Variants in ZNF574 observed in about 807,000 individuals in gnomAD.
ZNF574 encodes the protein zinc finger protein 574.
A neutral mutation model predicts 56.6 loss-of-function variants in ZNF574; 25 were observed. That is an observed-to-expected ratio of 0.44 (90% CI 0.32 to 0.62). The LOEUF is 0.62. Among genes scored for constraint, ZNF574 ranks in the 20% least tolerant of loss-of-function variants. The pLI, the probability that ZNF574 is intolerant of heterozygous loss-of-function variation, is 0.04. For missense variants in ZNF574, 1,065 were observed against 1,218.9 expected (o/e 0.87, Z 1.88); for synonymous variants, 543 against 492.1 (o/e 1.10, Z -1.37).
At chr19:42,074,506 T>TA (rs1328767133), upstream of ZNF574, among the ~76,000 whole-genome samples, 6 of 148,750 alleles carry the variant, frequency 4.0e-5, no homozygotes, top group Non-Finnish European at 6.0e-5. Flanking sequence ...AAAATAAAAA[T>TA]AAAATGAGTA....
At chr19:42,070,810 G>A (rs1179530128) in intron 1 of ZNF574, 1 of 152,642 alleles carries the variant, frequency 6.6e-6, no homozygotes, top group Non-Finnish European at 1.5e-5. Context: ...CAGATATGGG[G>A]AGCGGTCCAC....
At chr19:42,070,359 G>C (rs1055976853) in intron 1 of ZNF574, 1 of 153,104 alleles carries the variant, frequency 6.5e-6, no homozygotes, top group Admixed American at 6.5e-5. Context: ...CCCGCGAGGA[G>C]AATGCTGATG....
chr19:42,071,587 T>G (rs1315220357), upstream of ZNF574, among the ~76,000 whole-genome samples: 1 of 151,760 alleles, frequency 6.6e-6, no homozygotes, highest in East Asian at 1.9e-4. Context: ...ACACACCTCC[T>G]TACCCCACTT....
At chr19:42,072,623 A>G (rs1475479851), upstream of ZNF574, among the ~76,000 whole-genome samples, 1 of 147,152 alleles carries the variant, frequency 6.8e-6, no homozygotes, top group Non-Finnish European at 1.5e-5. Context: ...TTGGAGTGCA[A>G]TGGCGCCATC....
chr19:42,074,841 G>A (rs529619933), upstream of ZNF574: 23 of 152,356 alleles, frequency 1.5e-4, no homozygotes, highest in African/African-American at 5.5e-4. Context: ...CATCCGATAA[G>A]TTGAAATTCC....
intron 1 of ZNF574, chr19:42,070,417 CT>C (rs2076408248): frequency 6.5e-6 from 1 of 152,824 alleles, no homozygotes; most frequent in Non-Finnish European, 1.5e-5. Flanking sequence ...GAGCCACCCC[CT>C]CTACCACACC....
rs770101319 is a variant in ZNF574, at chr19:42,078,788, C to T, written c.182C>T (p.Ala61Val). The change falls in exon 2 of 2, where the codon GCT becomes GTT. Residue 61 changes from alanine (A) to valine (V), a missense_variant. Physicochemically the swap from Ala to Val is moderately conservative, Grantham distance 64. Transcript: ENST00000359044. ...GGAGTCACTGTGGCCACAGACACAGCTTCAGGCACGGGCCTCTATCAGACC... is the reference window on the plus strand; with the variant it reads ...GGAGTCACTGTGGCCACAGACACAGTTTCAGGCACGGGCCTCTATCAGACC... ...DPGVTVATDT[A>V]SGTGLYQTLV... The T allele has an allele frequency of 3.7e-5, 59 of 1,613,964 alleles. No individual in the cohort carries two copies. Among genetic ancestry groups the T allele is most frequent in the Non-Finnish European group, 4.5e-5 (53 of 1,179,976 alleles).
Position 42,079,168 on chromosome 19 carries a change from G to A in ZNF574, c.562G>A (p.Glu188Lys), listed in dbSNP as rs1413049942. ...GGAGCACTCATACCGAAAGGCAGAA[G>A]AGGGTGGGGAAGGGGCGACTGTCCC... The part of the protein sequence containing the change: ...AVEHSYRKAE[E>K]GGEGATVPSA... The change falls in exon 2 of 2, where the codon GAG becomes AAG. Residue 188 changes from glutamate (E) to lysine (K), a missense_variant. Transcript: ENST00000359044. This position sits in a 1 kb window ranked among gnomAD's most constrained non-coding sequence, Gnocchi z 4.3. The A allele has an allele frequency of 6.2e-7, 1 of 1,613,846 alleles. No homozygotes were observed. Among genetic ancestry groups the A allele is most frequent in the African/African-American group, 1.3e-5 (1 of 74,898 alleles).
rs138408881 is a variant in ZNF574 at position 42,079,332 on chromosome 19, C to G, written c.726C>G (p.Pro242=). 6.8e-6 allele frequency: 11 copies of G among 1,613,358 alleles called. No homozygotes were observed. Among genetic ancestry groups the G allele is most frequent in the Admixed American group, 6.7e-5 (4 of 59,990 alleles). Reference sequence around the variant, plus strand: ...CCACTCACTTCCCTGCTCCTGTACCCGAGTCTCAGGAGCCTGCCTTACAGC... The same window carrying G: ...CCACTCACTTCCCTGCTCCTGTACCGGAGTCTCAGGAGCCTGCCTTACAGC... The part of the protein sequence containing the change: ...HQATHFPAPV[P]ESQEPALQQE... Residue 242 remains proline (P), a synonymous_variant, in exon 2 of 2, where the codon CCC becomes CCG. Coordinates refer to ENST00000359044, the MANE Select transcript of ZNF574 (RefSeq NM_022752.6). This position sits in a 1 kb window ranked among gnomAD's most constrained non-coding sequence, Gnocchi z 4.3.
In ZNF574 at chr19:42,080,289, G is replaced by A. The variant is rs768286566; in HGVS notation, c.1683G>A (p.Thr561=). The change falls in exon 2 of 2, where the codon ACG becomes ACA. Residue 561 remains threonine, a synonymous_variant. Transcript: ENST00000359044. The surrounding 1 kb of genome is among the most constrained non-coding windows in gnomAD (Gnocchi z 8.5). The part of the protein sequence containing the change: ...YRCGDCGKAF[T]QSSTLRQHRL... ...GTGGGGACTGTGGCAAGGCTTTCACGCAAAGCTCCACACTGAGGCAGCACC... is the reference window on the plus strand; with the variant it reads ...GTGGGGACTGTGGCAAGGCTTTCACACAAAGCTCCACACTGAGGCAGCACC... The A allele has an allele frequency of 6.2e-6, 10 of 1,613,802 alleles. No homozygotes were observed. The highest frequency in any genetic ancestry group is 2.2e-5 in the East Asian group (1 of 44,866).
Position 42,068,960 on chromosome 19 carries a change from G to C in ZNF574, c.249G>C (p.Arg83=). The C allele has an allele frequency of 6.6e-6, 4 of 603,220 alleles. No individual in the cohort carries two copies. In the South Asian group the frequency reaches 7.6e-5, roughly 11 times the overall value. The allele number at this position is 603,220 out of a possible 1,614,324, so 37.4% of individuals were successfully genotyped here. Residue 83 remains arginine (R), a splice_region_variant and synonymous_variant, in exon 1 of 2, where the codon CGG becomes CGC. Transcript: ENST00000222339. ...GGGGCACGGACATGCCAGGGGCCCG[G>C]GGTAAGTGAGAGCCCAAGTAAGAGC...
In ZNF574 at chr19:42,080,523, A is replaced by T; in HGVS notation, c.1917A>T (p.Pro639=). 6.2e-7 allele frequency: 1 copy of T among 1,613,506 alleles called. No individual in the cohort carries two copies. Residue 639 remains proline (P), a synonymous_variant, in exon 2 of 2, where the codon CCA becomes CCT. Coordinates refer to ENST00000359044, the MANE Select transcript of ZNF574 (RefSeq NM_022752.6). This position sits in a 1 kb window ranked among gnomAD's most constrained non-coding sequence, Gnocchi z 8.5. The part of the protein sequence containing the change: ...VHAGRQPHRC[P]SCGAAFPSSL... ...CCGGGCGCCAGCCCCACCGCTGCCC[A>T]TCCTGTGGGGCTGCCTTCCCCTCCT... is the stretch of plus-strand genomic sequence containing the variant.
In ZNF574 at chr19:42,080,541, C is replaced by T. The variant is rs200186495; in HGVS notation, c.1935C>T (p.Phe645=). The change falls in exon 2 of 2, where the codon TTC becomes TTT. Residue 645 remains phenylalanine (F), a synonymous_variant. Coordinates refer to ENST00000359044, the MANE Select transcript of ZNF574 (RefSeq NM_022752.6). This position sits in a 1 kb window ranked among gnomAD's most constrained non-coding sequence, Gnocchi z 8.5. ...PHRCPSCGAA[F]PSSLRLREHR... ...GCTGCCCATCCTGTGGGGCTGCCTT[C>T]CCCTCCTCACTGCGGCTCCGGGAGC... 2.4e-4 allele frequency: 387 copies of T among 1,613,170 alleles called. 1 individual carries two copies. The highest frequency in any genetic ancestry group is 4.1e-5 in the Non-Finnish European group (48 of 1,179,828).
At chr19:42,071,305 A>C (rs577478983), upstream of ZNF574, among the ~76,000 whole-genome samples, 1 of 87,502 alleles carries the variant, frequency 1.1e-5, no homozygotes, top group Non-Finnish European at 2.2e-5. Context: ...TGGGGGGTGA[A>C]ATTTGGGGGG....
chr19:42,069,681 T>A (rs962107582), intron 1 of ZNF574, among the ~76,000 whole-genome samples: 1 of 75,518 alleles, frequency 1.3e-5, no homozygotes, highest in African/African-American at 5.3e-5. Flanking sequence ...GAGGACTGGG[T>A]GGAGAAAAGG....
intron 1 of ZNF574, among the ~76,000 whole-genome samples, chr19:42,076,708 T>A (rs1294007482): frequency 2.0e-5 from 3 of 152,138 alleles, no homozygotes; most frequent in Non-Finnish European, 4.4e-5. Context: ...GTGAGAAAGA[T>A]AATTAAGTTA....
intron 1 of ZNF574, among the ~76,000 whole-genome samples, chr19:42,076,685 A>G (rs1207204970): frequency 1.3e-5 from 2 of 152,184 alleles, no homozygotes; most frequent in Non-Finnish European, 2.9e-5. Flanking sequence ...GTGCCCAGTT[A>G]GGGGCTTAGG....
chr19:42,081,432 T>C lies in ZNF574; in HGVS notation c.*135T>C. 1.6e-6 allele frequency: 2 copies of C among 1,234,104 alleles called. No homozygotes were observed. Among genetic ancestry groups the C allele is most frequent in the Non-Finnish European group, 2.3e-6 (2 of 858,602 alleles). 76.4% of individuals were successfully genotyped at this position (1,234,104 alleles called of 1,614,324 possible). A position where few individuals can be genotyped will look rare whatever the true frequency, so the allele number is the denominator to read the frequency against. ...CCTTGTAAGTTCTAAATTGGATTTA[T>C]TCTCTCGTGAGGGGGGTGCTCTGGG... On this transcript the variant is annotated 3_prime_UTR_variant, in exon 2 of 2. Coordinates refer to ENST00000359044, the MANE Select transcript of ZNF574 (RefSeq NM_022752.6).
upstream of ZNF574, among the ~76,000 whole-genome samples, chr19:42,074,438 G>A (rs1045600718): frequency 2.0e-5 from 3 of 151,334 alleles, no homozygotes; most frequent in South Asian, 4.2e-4. Context: ...CTGGGCGGCA[G>A]AGAAAGACTC....
Sources: allele counts gnomAD v4.1 joint callset (sites outside exome capture counted in the v4.1 genomes callset), GRCh38; gene constraint gnomAD v4.1.1; non-coding constraint Gnocchi (gnomAD v3.1); transcripts MANE v1.5; gene names NCBI Gene and HGNC (gene_info 2026-07-23, HGNC 2026-07-21).